Variants in COMMD10 observed in about 807,000 individuals in gnomAD.
COMMD10 encodes COMM domain-containing protein 10.
A neutral mutation model predicts 28.9 loss-of-function variants in COMMD10; 33 were observed. That is an observed-to-expected ratio of 1.14 (90% confidence interval 0.87 to 1.53). The LOEUF is 1.53. Ranked by LOEUF, COMMD10 falls within the 40% of genes most tolerant of loss-of-function variation. The pLI is 0.00. For synonymous variants in COMMD10, 110 were observed against 81.7 expected, an observed-to-expected ratio of 1.35 and a Z score of -1.87; for missense variants, 310 against 233.4, an observed-to-expected ratio of 1.33 and a Z score of -2.14.
At chr5:116,113,802 C>G (rs1751138318) in intron 4 of COMMD10, among the ~76,000 whole-genome samples, 1 of 151,894 alleles carries the variant, frequency 6.6e-6, no homozygotes, top group South Asian at 2.1e-4. Flanking sequence ...TTTGGTTCTG[C>G]TCTATTGTTG....
chr5:116,223,187 C>G (rs1202282138), intron 5 of COMMD10, among the ~76,000 whole-genome samples: 4 of 151,118 alleles, frequency 2.6e-5, no homozygotes, highest in Admixed American at 2.6e-4. Context: ...CAGATATTTT[C>G]TATATTGGAT....
intron 5 of COMMD10, among the ~76,000 whole-genome samples, chr5:116,170,251 G>C (rs1237104138): frequency 1.3e-5 from 2 of 152,082 alleles, no homozygotes; most frequent in East Asian, 1.9e-4. Flanking sequence ...GCTACAGAGA[G>C]AACAAAATAT....
At chr5:116,222,490 T>C (rs1749286400) in intron 5 of COMMD10, among the ~76,000 whole-genome samples, 1 of 152,144 alleles carries the variant, frequency 6.6e-6, no homozygotes, top group South Asian at 2.1e-4. Context: ...TCAGTGGGAA[T>C]ATGATTTTAG....
chr5:116,148,607 G>T (rs994424908), intron 5 of COMMD10, among the ~76,000 whole-genome samples: 1 of 151,632 alleles, frequency 6.6e-6, no homozygotes, highest in African/African-American at 2.4e-5. Context: ...TTTTCTAGCC[G>T]AAAGGGATCT....
intron 5 of COMMD10, among the ~76,000 whole-genome samples, chr5:116,223,532 A>C (rs1165959306): frequency 2.0e-5 from 3 of 152,170 alleles, no homozygotes; most frequent in African/African-American, 7.2e-5. Flanking sequence ...TAGAAGTTCT[A>C]AGAAAGCAAA....
chr5:116,202,339 T>A (rs1209006451), intron 5 of COMMD10, among the ~76,000 whole-genome samples: 2 of 151,898 alleles, frequency 1.3e-5, no homozygotes, highest in Admixed American at 1.3e-4. Flanking sequence ...AGTGCCACAA[T>A]AAACATACGT....
intron 5 of COMMD10, among the ~76,000 whole-genome samples, chr5:116,211,292 C>T (rs1230218352): frequency 1.3e-5 from 2 of 152,032 alleles, no homozygotes; most frequent in Admixed American, 6.6e-5. Context: ...CTTACACAAA[C>T]CTAGATGGTA....
At chr5:116,183,195 G>T (rs947694859) in intron 5 of COMMD10, among the ~76,000 whole-genome samples, 4 of 151,880 alleles carry the variant, frequency 2.6e-5, no homozygotes, top group African/African-American at 9.7e-5. Flanking sequence ...AATTACCATG[G>T]GCATATAATA....
chr5:116,262,347 G>C (rs535494244), intron 5 of COMMD10, among the ~76,000 whole-genome samples: 2 of 151,778 alleles, frequency 1.3e-5, no homozygotes, highest in Middle Eastern at 3.4e-3. Flanking sequence ...TCTTCGTGTT[G>C]CCTTTTGAAA....
At chr5:116,102,793 T>G (rs974729408) in intron 4 of COMMD10, among the ~76,000 whole-genome samples, 2 of 152,184 alleles carry the variant, frequency 1.3e-5, no homozygotes, top group Non-Finnish European at 2.9e-5. Flanking sequence ...ATTAGGTATT[T>G]CTCCTAATGC....
intron 5 of COMMD10, among the ~76,000 whole-genome samples, chr5:116,182,541 C>G (rs4260709): frequency 6.6e-6 from 1 of 151,694 alleles, no homozygotes; most frequent in Non-Finnish European, 1.5e-5. Context: ...GACATTTAGA[C>G]TATTTCTCAG....
intron 5 of COMMD10, among the ~76,000 whole-genome samples, chr5:116,267,544 A>G (rs1223485785): frequency 6.6e-6 from 1 of 151,942 alleles, no homozygotes. Flanking sequence ...TACAGATTCA[A>G]TGCCATCCCC....
At chr5:116,211,991 G>C (rs1221558507) in intron 5 of COMMD10, among the ~76,000 whole-genome samples, 1 of 152,098 alleles carries the variant, frequency 6.6e-6, no homozygotes, top group Admixed American at 6.6e-5. Flanking sequence ...GATAATACCT[G>C]CTTCTTTGTG....
intron 5 of COMMD10, among the ~76,000 whole-genome samples, chr5:116,270,534 C>A (rs909074335): frequency 6.6e-6 from 1 of 151,826 alleles, no homozygotes; most frequent in South Asian, 2.1e-4. Flanking sequence ...TTAGCAAATT[C>A]AGCATTCTGA....
At chr5:116,284,698 G>C (rs1053785641) in intron 5 of COMMD10, among the ~76,000 whole-genome samples, 2 of 151,846 alleles carry the variant, frequency 1.3e-5, no homozygotes, top group African/African-American at 4.9e-5. Context: ...TGTTGTTAGA[G>C]TTGCTACTGA....
chr5:116,123,560 G>A (rs1202370134), intron 4 of COMMD10, among the ~76,000 whole-genome samples: 1 of 152,132 alleles, frequency 6.6e-6, no homozygotes, highest in African/African-American at 2.4e-5. Context: ...TCAGGCTTTG[G>A]TATCAAGATG....
intron 4 of COMMD10, among the ~76,000 whole-genome samples, chr5:116,129,487 T>C (rs1382244180): frequency 3.7e-5 from 2 of 54,128 alleles, no homozygotes; most frequent in African/African-American, 1.2e-4. Flanking sequence ...TAATGTAATA[T>C]ACATTAGTAT....
At chr5:116,216,896 T>C (rs1413878989) in intron 5 of COMMD10, among the ~76,000 whole-genome samples, 1 of 152,172 alleles carries the variant, frequency 6.6e-6, no homozygotes, top group Non-Finnish European at 1.5e-5. Flanking sequence ...TACAGTTTAG[T>C]TAACATTTTT....
At chr5:116,284,137 TAAAC>T (rs147907880) in intron 5 of COMMD10, among the ~76,000 whole-genome samples, 4,436 of 151,628 alleles carry the variant, frequency 0.029, 118 homozygotes, top group East Asian at 0.14. Context: ...ATCTCAAAAA[TAAAC>T]AAACAAAAAA....
Sources: gnomAD v4.1 joint callset for allele counts (sites outside exome capture counted in the v4.1 genomes callset) on GRCh38, gnomAD v4.1.1 for gene constraint, MANE v1.5 for transcripts, NCBI Gene and HGNC (gene_info 2026-07-23, HGNC 2026-07-21) for gene names.